PCGF3: variants seen among roughly 807,000 people sequenced by gnomAD.
PCGF3 encodes the protein polycomb group RING finger protein 3.
A neutral mutation model predicts 33.1 loss-of-function variants in PCGF3; 7 were observed. The observed-to-expected ratio is 0.21, with a 90% CI of 0.12 to 0.40. The LOEUF is 0.40. Ranked by LOEUF, PCGF3 falls within the 10% of genes least tolerant of loss-of-function variation. The pLI is 1.00. For synonymous variants in PCGF3, 153 were observed against 121.3 expected, an observed-to-expected ratio of 1.26 and a Z score of -1.72; for missense variants, 211 against 313.3, an observed-to-expected ratio of 0.67 and a Z score of 2.46.
chr4:730,038 C>T (rs1461770006), intron 1 of PCGF3, among the ~76,000 whole-genome samples: 1 of 152,264 alleles, frequency 6.6e-6, no homozygotes, highest in South Asian at 2.1e-4. Flanking sequence ...TGTCCCTCCC[C>T]TGCCCCTCCC....
At chr4:762,078 C>T (rs1745091996) in intron 9 of PCGF3, 1 of 985,376 alleles carries the variant, frequency 1.0e-6, no homozygotes, top group Non-Finnish European at 1.2e-6. Flanking sequence ...AGTGGACAGA[C>T]TTGAGATGCT....
chr4:738,361 G>T (rs1322591792), intron 6 of PCGF3, among the ~76,000 whole-genome samples: 1 of 152,252 alleles, frequency 6.6e-6, no homozygotes, highest in African/African-American at 2.4e-5. Flanking sequence ...TAGATTTCCT[G>T]AGTAAACGTA....
intron 3 of PCGF3, chr4:732,413 C>T (rs73221123): frequency 0.031 from 4,750 of 155,582 alleles, 134 homozygotes; most frequent in South Asian, 0.094. Flanking sequence ...CCCGTGTCCT[C>T]AGTATGCATC....
intron 8 of PCGF3, among the ~76,000 whole-genome samples, chr4:753,646 A>T (rs979873376): frequency 6.8e-5 from 10 of 146,724 alleles, no homozygotes; most frequent in African/African-American, 2.5e-4. Context: ...CCGGTCTCAA[A>T]AAAAAAAAAA....
At chr4:752,380 A>G (rs1263942777) in intron 8 of PCGF3, among the ~76,000 whole-genome samples, 1 of 152,190 alleles carries the variant, frequency 6.6e-6, no homozygotes, top group Non-Finnish European at 1.5e-5. Flanking sequence ...TTTTTTAAGT[A>G]TAAGCCATCG....
chr4:722,536 C>G, intron 1 of PCGF3: 1 of 295,734 alleles, frequency 3.4e-6, no homozygotes, highest in South Asian at 2.6e-5. Context: ...AGTCATCGCC[C>G]GTCCGCGCCG....
chr4:742,169 G>A (rs926450811), intron 6 of PCGF3, among the ~76,000 whole-genome samples: 1 of 143,598 alleles, frequency 7.0e-6, no homozygotes, highest in Non-Finnish European at 1.5e-5. Flanking sequence ...CTCTCCCCAG[G>A]CTCTCGGGGT....
chr4:761,958 C>G (rs6821861), intron 9 of PCGF3: 201,342 of 985,188 alleles, frequency 0.2, 20,668 homozygotes, highest in African/African-American at 0.24. Flanking sequence ...GAGCATGGGT[C>G]TGGTGTCGTT....
rs1414467407 is a variant in PCGF3 at position 720,349 on chromosome 4, C to T, written c.-189-10281C>T. ...CTGCGGGAGGAGCGCCTGTGCATCG[C>T]TGTGGAGGGTGACTGTGCAGGAGGA... On this transcript the variant is annotated intron_variant, in intron 1 of 10. Transcript: ENST00000362003. This position sits in a 1 kb window ranked among gnomAD's most constrained non-coding sequence, Gnocchi z 5.6. Among the ~76,000 whole-genome samples, 5 of 152,108 alleles carry T rather than the reference C, an allele frequency of 3.3e-5. No individual in the cohort carries two copies. The highest frequency in any genetic ancestry group is 7.4e-5 in the Non-Finnish European group (5 of 67,988).
chr4:744,708 CGCTGCAGTG>C lies in PCGF3; in HGVS notation c.462+21_462+29del. 1.4e-6 allele frequency: 2 copies of C among 1,425,566 alleles called. No individual in the cohort carries two copies. The highest frequency in any genetic ancestry group is 1.9e-6 in the Non-Finnish European group (2 of 1,043,578). The allele number at this position is 1,425,566 out of a possible 1,614,324, so 88.3% of individuals were successfully genotyped here. A position where few individuals can be genotyped will look rare whatever the true frequency, so the allele number is the denominator to read the frequency against. On this transcript the variant is annotated intron_variant, in intron 8 of 10. Coordinates refer to ENST00000362003, the Ensembl canonical transcript of PCGF3. ...GAGCAGGTGGGCGGGGCCCGGGGGT[CGCTGCAGTG>C]TTAGTGTTCGCCGTGGAGGCGTGAG...
intron 8 of PCGF3, 99 bp downstream of exon 8, chr4:744,787 G>A (rs1227704484): frequency 3.8e-5 from 5 of 130,328 alleles, no homozygotes; most frequent in East Asian, 1.3e-4. Flanking sequence ...AGTGTTCGCC[G>A]TGGAGGCGTG....
At chr4:739,777 C>T (rs910746793) in intron 6 of PCGF3, among the ~76,000 whole-genome samples, 32 of 152,194 alleles carry the variant, frequency 2.1e-4, no homozygotes, top group Admixed American at 1.8e-3. Flanking sequence ...TGTATGTTCT[C>T]GTCCACCTCA....
At chr4:729,081 CAG>C (rs1428629920) in intron 1 of PCGF3, among the ~76,000 whole-genome samples, 1 of 112,094 alleles carries the variant, frequency 8.9e-6, no homozygotes, top group Non-Finnish European at 1.6e-5. Flanking sequence ...GCCTGGGTGA[CAG>C]AGCGAGACTC....
intron 8 of PCGF3, among the ~76,000 whole-genome samples, chr4:756,708 GCCA>G (rs1560216185): frequency 1.3e-5 from 2 of 151,964 alleles, no homozygotes; most frequent in African/African-American, 2.4e-5. Flanking sequence ...GTGTTACACA[GCCA>G]CCACCACCAC....
chr4:742,954 G>A lies in PCGF3; in HGVS notation c.263-520G>A, dbSNP rs148878148. Among the ~76,000 whole-genome samples, 1,119 of 152,336 alleles carry A rather than the reference G, an allele frequency of 7.3e-3. 3 individuals are homozygous for A. The highest frequency in any genetic ancestry group is 0.02 in the Middle Eastern group (6 of 294). On this transcript the variant is annotated intron_variant, in intron 6 of 10. Coordinates refer to ENST00000362003, the Ensembl canonical transcript of PCGF3. Reference sequence around the variant, plus strand: ...GAGGGCTCTCTTGGGGTTCCTCAGTGGTGGCCTTGGGTACCTGTGAGCCGG... The same window carrying A: ...GAGGGCTCTCTTGGGGTTCCTCAGTAGTGGCCTTGGGTACCTGTGAGCCGG...
rs766533204 is a variant in PCGF3 at position 744,729 on chromosome 4, C to T, written c.462+41C>T. The T allele has an allele frequency of 6.8e-4, 375 of 547,454 alleles. 16 individuals carry two copies. Among genetic ancestry groups the T allele is most frequent in the Non-Finnish European group, 1.0e-3 (325 of 326,048 alleles). 33.9% of individuals were successfully genotyped at this position (547,454 alleles called of 1,614,324 possible). A position where few individuals can be genotyped will look rare whatever the true frequency, so the allele number is the denominator to read the frequency against. ...GGGTCGCTGCAGTGTTAGTGTTCGCCGTGGAGGCGTGAGCAGGTGGGCGGG... is the reference window on the plus strand; with the variant it reads ...GGGTCGCTGCAGTGTTAGTGTTCGCTGTGGAGGCGTGAGCAGGTGGGCGGG... On this transcript the variant is annotated intron_variant, in intron 8 of 10. Transcript: ENST00000362003.
At chr4:744,221 C>T (rs1016000096) in intron 7 of PCGF3, among the ~76,000 whole-genome samples, 5 of 152,178 alleles carry the variant, frequency 3.3e-5, no homozygotes, top group Non-Finnish European at 7.3e-5. Context: ...ATTTTAAAAG[C>T]GGTGTTGAAA....
chr4:722,373 A>G, intron 1 of PCGF3: 1 of 195,306 alleles, frequency 5.1e-6, no homozygotes, highest in Non-Finnish European at 1.1e-5. Context: ...GCTAAATGAC[A>G]GGAGCTGGAG....
intron 1 of PCGF3, among the ~76,000 whole-genome samples, chr4:715,371 G>A (rs1445909315): frequency 6.8e-6 from 1 of 146,658 alleles, no homozygotes; most frequent in Admixed American, 6.8e-5. Flanking sequence ...GACACTGTGA[G>A]TGTGAGAACC....
Sources: gnomAD v4.1 joint callset for allele counts (sites outside exome capture counted in the v4.1 genomes callset) on GRCh38, gnomAD v4.1.1 for gene constraint, Gnocchi (gnomAD v3.1) non-coding constraint, MANE v1.5 for transcripts, NCBI Gene and HGNC (gene_info 2026-07-23, HGNC 2026-07-21) for gene names.